The following RAI1 variants were observed in gnomAD, a reference collection of about 807,000 sequenced individuals.
RAI1 encodes the protein retinoic acid induced 1, also known as retinoic acid-induced protein 1.
In RAI1, 9 loss-of-function variants were observed where a neutral mutation model predicts 123.8. The observed-to-expected ratio is 0.07, with a 90% CI of 0.04 to 0.13. The LOEUF (loss-of-function observed/expected upper bound fraction) is 0.13, where lower values mean the gene tolerates loss of function less well. Ranked by LOEUF, RAI1 falls within the 10% of genes least tolerant of loss-of-function variation. The pLI is 1.00. For missense variants in RAI1, 2,256 were observed against 2,545.8 expected (o/e 0.89, Z 2.45); for synonymous variants, 1,231 against 1,127.3 (o/e 1.09, Z -1.84).
At chr17:17,731,881 GGACT>G (rs1466626510) in intron 2 of RAI1, among the ~76,000 whole-genome samples, 1 of 152,156 alleles carries the variant, frequency 6.6e-6, no homozygotes, top group African/African-American at 2.4e-5. Flanking sequence ...TGGTCCTGGG[GGACT>G]GATAATTAAA....
At chr17:17,737,087 G>A (rs565205293) in intron 2 of RAI1, among the ~76,000 whole-genome samples, 3 of 152,318 alleles carry the variant, frequency 2.0e-5, no homozygotes, top group Admixed American at 2.0e-4. Context: ...GAGCATTTCT[G>A]GAAATGGAAC....
At chr17:17,752,319 C>T (rs2030215078) in intron 2 of RAI1, among the ~76,000 whole-genome samples, 1 of 152,346 alleles carries the variant, frequency 6.6e-6, no homozygotes, top group South Asian at 2.1e-4. Context: ...CCTGATTGGC[C>T]GTCACACTGC....
chr17:17,745,433 GT>G (rs1371702228), intron 2 of RAI1, among the ~76,000 whole-genome samples: 1 of 151,230 alleles, frequency 6.6e-6, no homozygotes, highest in African/African-American at 2.4e-5. Flanking sequence ...GTGTGTGTTT[GT>G]TTTTGTTTTT....
At chr17:17,790,627 T>A (rs1229445531) in intron 2 of RAI1, among the ~76,000 whole-genome samples, 1 of 151,616 alleles carries the variant, frequency 6.6e-6, no homozygotes, top group Non-Finnish European at 1.5e-5. Context: ...TGAAAAAAAA[T>A]AAAAAATAAA....
chr17:17,726,089 G>A (rs560569798), intron 2 of RAI1, among the ~76,000 whole-genome samples: 1 of 152,300 alleles, frequency 6.6e-6, no homozygotes, highest in Admixed American at 6.5e-5. Flanking sequence ...GCCTTGTTCA[G>A]GGACCTTGTG....
At chr17:17,707,182 T>G (rs2142898430) in intron 1 of RAI1, among the ~76,000 whole-genome samples, 1 of 152,278 alleles carries the variant, frequency 6.6e-6, no homozygotes, top group South Asian at 2.1e-4. Context: ...TGGTGGTGTG[T>G]ACCTGTATTC....
rs371983878 is a variant in RAI1, at chr17:17,793,779, CCAGCAGCAGCAGCAGCAGCAGCAG to C, written c.849_872del (p.Gln284_Gln291del). ...ACCAGTCGGGCCGCCTCAGCTATGA[CCAGCAGCAGCAGCAGCAGCAGCAG>C]CAGCAGCAGCAGCAGCAAGCCCTTC... On this transcript the variant is annotated inframe_deletion, in exon 3 of 6. Transcript: ENST00000353383. The C allele has an allele frequency of 3.2e-5, 43 of 1,357,644 alleles. No homozygotes were observed. The highest frequency in any genetic ancestry group is 2.9e-4 in the Admixed American group (11 of 37,584). 84.1% of individuals were successfully genotyped at this position (1,357,644 alleles called of 1,614,324 possible).
rs772580958 is a variant in RAI1, at chr17:17,795,919, C to G, written c.2971C>G (p.Pro991Ala). The G allele has an allele frequency of 1.9e-6, 3 of 1,610,230 alleles. No individual in the cohort carries two copies. The highest frequency in any genetic ancestry group is 1.7e-6 in the Non-Finnish European group (2 of 1,179,600). ...CGAGGCGCCCATCGCAAAGAAAGAG[C>G]CTGTGCCACGGGGCAAAAGCTTACG... ...VPEAPIAKKE[P>A]VPRGKSLRSR... The change falls in exon 3 of 6, where the codon CCT (proline) becomes GCT (alanine). Residue 991 changes from proline (P) to alanine (A), a missense_variant. By Grantham distance (27) the Pro-to-Ala change is conservative. This residue lies in a region of RAI1 where 566 missense variants were observed against 616.0 expected (regional missense o/e 0.92). Coordinates refer to ENST00000353383, the MANE Select transcript of RAI1 (RefSeq NM_030665.4). This position sits in a 1 kb window ranked among gnomAD's most constrained non-coding sequence, Gnocchi z 5.9.
intron 2 of RAI1, among the ~76,000 whole-genome samples, chr17:17,791,411 T>C (rs574677663): frequency 5.8e-4 from 87 of 148,908 alleles, no homozygotes; most frequent in African/African-American, 2.1e-3. Flanking sequence ...ACTCCCCACC[T>C]TTCTGCCTCT....
At chr17:17,694,849 C>T (rs1176384000) in intron 1 of RAI1, among the ~76,000 whole-genome samples, 1 of 151,764 alleles carries the variant, frequency 6.6e-6, no homozygotes, top group African/African-American at 2.4e-5. Context: ...GTGCTGAGGC[C>T]CCGCCCCCTG....
Position 17,801,097 on chromosome 17 carries a change from C to A in RAI1, c.5565+2584C>A, listed in dbSNP as rs1049905797. ...CGCTCTGGAGGGCAGAACCTCTGAG[C>A]CAGCTCTCAGGGATACCTTTTTTCC... On this transcript the variant is annotated intron_variant, in intron 3 of 5. Coordinates refer to ENST00000353383, the MANE Select transcript of RAI1 (RefSeq NM_030665.4). This position sits in a 1 kb window ranked among gnomAD's most constrained non-coding sequence, Gnocchi z 4.1. 6.6e-6 allele frequency among the ~76,000 whole-genome samples: 1 copy of A among 152,214 alleles called. No individual in the cohort carries two copies. The highest frequency in any genetic ancestry group is 1.5e-5 in the Non-Finnish European group (1 of 68,028).
At chr17:17,776,224 T>C (rs1482804155) in intron 2 of RAI1, among the ~76,000 whole-genome samples, 2 of 152,212 alleles carry the variant, frequency 1.3e-5, no homozygotes, top group Non-Finnish European at 2.9e-5. Context: ...AGCTGGAAAG[T>C]GGCAGTGCCA....
chr17:17,703,943 C>T (rs550752568), intron 1 of RAI1, among the ~76,000 whole-genome samples: 1 of 152,304 alleles, frequency 6.6e-6, no homozygotes, highest in Non-Finnish European at 1.5e-5. Context: ...CATGGTCTTC[C>T]CTCACTCCAG....
At chr17:17,682,146 C>T (rs530189968) in intron 1 of RAI1, among the ~76,000 whole-genome samples, 3 of 117,060 alleles carry the variant, frequency 2.6e-5, no homozygotes, top group East Asian at 2.3e-4. Flanking sequence ...CTTTGCGGAG[C>T]GTGGGGTGGG....
intron 2 of RAI1, among the ~76,000 whole-genome samples, chr17:17,740,460 C>T (rs1290187490): frequency 6.6e-6 from 1 of 152,226 alleles, no homozygotes; most frequent in African/African-American, 2.4e-5. Context: ...GGAAGTGGTT[C>T]ATCTGCTCTG....
intron 1 of RAI1, chr17:17,682,345 G>T (rs946848705): frequency 1.3e-5 from 2 of 150,544 alleles, no homozygotes; most frequent in Non-Finnish European, 3.0e-5. Context: ...GTCCCTACCC[G>T]GGCAGCGGCC....
intron 1 of RAI1, among the ~76,000 whole-genome samples, chr17:17,698,143 C>A (rs1315737604): frequency 6.6e-6 from 1 of 152,210 alleles, no homozygotes; most frequent in Non-Finnish European, 1.5e-5. Context: ...ATGGCTCCTA[C>A]TCCAGTGCGC....
chr17:17,745,847 G>A (rs2029892515), intron 2 of RAI1, among the ~76,000 whole-genome samples: 1 of 152,240 alleles, frequency 6.6e-6, no homozygotes, highest in Non-Finnish European at 1.5e-5. Flanking sequence ...GCCAGCGGGT[G>A]GAGGAAGCCG....
At chr17:17,767,716 C>T (rs1278838509) in intron 2 of RAI1, among the ~76,000 whole-genome samples, 1 of 152,170 alleles carries the variant, frequency 6.6e-6, no homozygotes, top group Non-Finnish European at 1.5e-5. Context: ...CAGCCTTTGC[C>T]TCTCTGCAGG....
Sources: gnomAD v4.1 joint callset for allele counts (sites outside exome capture counted in the v4.1 genomes callset) on GRCh38, gnomAD v4.1.1 for gene constraint, gnomAD v4.1.1 regional missense constraint, Gnocchi (gnomAD v3.1) non-coding constraint, MANE v1.5 for transcripts, NCBI Gene and HGNC (gene_info 2026-07-23, HGNC 2026-07-21) for gene names.